Variants in CCDC81 observed in about 807,000 individuals in gnomAD.
The protein encoded by CCDC81 is coiled-coil domain containing 81, also known as coiled-coil domain-containing protein 81.
Under a neutral mutation model 83.7 loss-of-function variants are expected in CCDC81, and 79 were observed. The ratio of observed to expected loss-of-function variants is 0.94; its 90% CI spans 0.79 to 1.14. The LOEUF (loss-of-function observed/expected upper bound fraction) is 1.14, where lower values mean the gene tolerates loss of function less well. Among genes scored for constraint, CCDC81 ranks in the 50% most tolerant of loss-of-function variants. CCDC81 has a pLI of 0.00. For synonymous variants in CCDC81, 252 were observed against 278.1 expected (o/e 0.91, Z 0.93); for missense variants, 791 against 778.1 (o/e 1.02, Z -0.20).
chr11:86,403,760 T>C (rs1163209726), intron 7 of CCDC81, among the ~76,000 whole-genome samples: 1 of 152,234 alleles, frequency 6.6e-6, no homozygotes, highest in Non-Finnish European at 1.5e-5. Context: ...TATTGGGATT[T>C]GAGTAACATT....
At chr11:86,385,986 A>C in intron 1 of CCDC81, 65 bp from the exon 2 acceptor site, 1 of 757,186 alleles carries the variant, frequency 1.3e-6, no homozygotes, top group Non-Finnish European at 2.3e-6. Flanking sequence ...ATTTATTAGC[A>C]CTAAGATACT....
chr11:86,399,751 C>T (rs1293093843), intron 6 of CCDC81, among the ~76,000 whole-genome samples: 1 of 152,008 alleles, frequency 6.6e-6, no homozygotes, highest in South Asian at 2.1e-4. Context: ...ACCCTTTTCA[C>T]ATCTCACTTT....
At chr11:86,411,086 A>G (rs1325637551) in intron 10 of CCDC81, among the ~76,000 whole-genome samples, 1 of 152,212 alleles carries the variant, frequency 6.6e-6, no homozygotes, top group Non-Finnish European at 1.5e-5. Context: ...TCTCCCATTT[A>G]AAACCTCCAC....
chr11:86,387,447 A>G, intron 2 of CCDC81, 69 bp from the exon 3 acceptor site: 6 of 1,477,886 alleles, frequency 4.1e-6, no homozygotes, highest in Non-Finnish European at 5.6e-6. Flanking sequence ...TTTTTAGATA[A>G]TAATATTAAG....
In CCDC81 at chr11:86,392,603, G is replaced by T. The variant is rs1948348701; in HGVS notation, c.361G>T (p.Asp121Tyr). The T allele has an allele frequency of 6.4e-7, 1 of 1,551,558 alleles. No individual in the cohort carries two copies. The highest frequency in any genetic ancestry group is 2.0e-5 in the Admixed American group (1 of 50,988). ...ATCCCTGGAGGGTCCATTTAACAGA[G>T]ATGTAGTGGAAGGATGTGTGAAGGA... ...MISLEGPFNR[D>Y]VVEGCVKETL... The change falls in exon 4 of 15, where the codon GAT (aspartate) becomes TAT (tyrosine). Residue 121 changes from aspartate to tyrosine, a missense_variant. Transcript: ENST00000445632.
Position 86,404,239 on chromosome 11 carries a change from AT to A in CCDC81, c.882-3374del, listed in dbSNP as rs1948533928. ...GAGGCCTAAGAGAAGTTATTAAAAA[AT>A]AAAGTGTTCTGCTTATAGCAATATG... On this transcript the variant is annotated intron_variant, in intron 7 of 14. Coordinates refer to ENST00000445632, the MANE Select transcript of CCDC81 (RefSeq NM_001156474.2). Among the ~76,000 whole-genome samples, 10 of 152,316 alleles carry A rather than the reference AT, an allele frequency of 6.6e-5. No homozygotes were observed. In the South Asian group the frequency reaches 2.1e-3, roughly 32 times the overall value.
At chr11:86,416,028 C>G (rs371803312) in intron 13 of CCDC81, among the ~76,000 whole-genome samples, 10 of 152,100 alleles carry the variant, frequency 6.6e-5, no homozygotes, top group East Asian at 3.9e-4. Flanking sequence ...GTGTCTCATG[C>G]TTTAATTTGG....
chr11:86,397,462 C>T (rs1362981725), intron 5 of CCDC81, among the ~76,000 whole-genome samples, 159 bp from the exon 6 acceptor site: 4 of 152,200 alleles, frequency 2.6e-5, no homozygotes, highest in African/African-American at 9.6e-5. Context: ...GAAAATTAAT[C>T]TATGATATGT....
Position 86,422,801 on chromosome 11 carries a change from C to G in CCDC81, c.*86C>G, listed in dbSNP as rs889774788. ...TGATTGTGAAACTGCGTATTTTTAC[C>G]TCAGAGAAAAAAATCATTGTTTAGG... On this transcript the variant is annotated 3_prime_UTR_variant, in exon 15 of 15. Coordinates refer to ENST00000445632, the MANE Select transcript of CCDC81 (RefSeq NM_001156474.2). 82 of 1,326,332 alleles carry G rather than the reference C, an allele frequency of 6.2e-5. No homozygotes were observed. Among genetic ancestry groups the G allele is most frequent in the Non-Finnish European group, 8.2e-5 (79 of 961,730 alleles). 82.2% of individuals were successfully genotyped at this position (1,326,332 alleles called of 1,614,324 possible).
At chr11:86,413,535 G>A (rs1948674410) in intron 11 of CCDC81, among the ~76,000 whole-genome samples, 1 of 152,014 alleles carries the variant, frequency 6.6e-6, no homozygotes, top group African/African-American at 2.4e-5. Flanking sequence ...CTTCCCTTCT[G>A]TATCAGTACC....
At position 86,386,037 on chromosome 11, in the gene CCDC81, C is replaced by A; in HGVS notation, c.80-14C>A. The A allele has an allele frequency of 6.8e-7, 1 of 1,469,566 alleles. No homozygotes were observed. The highest frequency in any genetic ancestry group is 1.4e-5 in the African/African-American group (1 of 70,580). The allele number at this position is 1,469,566 out of a possible 1,614,324, so 91.0% of individuals were successfully genotyped here. A position where few individuals can be genotyped will look rare whatever the true frequency, so the allele number is the denominator to read the frequency against. ...ATATAAATTGAATAATTTCTGGTTACTTTTGAATTTCAGAAGTCTCTATTA... is the reference window on the plus strand; with the variant it reads ...ATATAAATTGAATAATTTCTGGTTAATTTTGAATTTCAGAAGTCTCTATTA... On this transcript the variant is annotated splice_polypyrimidine_tract_variant and intron_variant, in intron 1 of 14. Coordinates refer to ENST00000445632, the MANE Select transcript of CCDC81 (RefSeq NM_001156474.2).
At chr11:86,388,478 A>G (rs1948279282) in intron 3 of CCDC81, among the ~76,000 whole-genome samples, 2 of 152,276 alleles carry the variant, frequency 1.3e-5, no homozygotes, top group South Asian at 4.1e-4. Flanking sequence ...TCACTCCTGG[A>G]TAAATGGAGA....
Position 86,422,793 on chromosome 11 carries a change from AT to A in CCDC81, c.*83del, listed in dbSNP as rs1161678583. Reference sequence around the variant, plus strand: ...TTTGGGGGTGATTGTGAAACTGCGTATTTTTACCTCAGAGAAAAAAATCATT... The same window carrying A: ...TTTGGGGGTGATTGTGAAACTGCGTATTTTACCTCAGAGAAAAAAATCATT... On this transcript the variant is annotated 3_prime_UTR_variant, in exon 15 of 15. Transcript: ENST00000445632. 25 of 1,380,602 alleles carry A rather than the reference AT, an allele frequency of 1.8e-5. No homozygotes were observed. Among genetic ancestry groups the A allele is most frequent in the African/African-American group, 1.7e-4 (12 of 69,050 alleles). 85.5% of individuals were successfully genotyped at this position (1,380,602 alleles called of 1,614,324 possible).
At chr11:86,395,633 C>A (rs1293146777) in intron 5 of CCDC81, among the ~76,000 whole-genome samples, 1 of 152,140 alleles carries the variant, frequency 6.6e-6, no homozygotes. Context: ...TTTATCCCCC[C>A]TCACCGCGAC....
At chr11:86,404,992 A>G (rs1414869238) in intron 7 of CCDC81, among the ~76,000 whole-genome samples, 1 of 152,190 alleles carries the variant, frequency 6.6e-6, no homozygotes, top group African/African-American at 2.4e-5. Context: ...TGTTTTATGT[A>G]TACTTGAAGA....
At chr11:86,407,297 T>C (rs1327791363) in intron 7 of CCDC81, among the ~76,000 whole-genome samples, 1 of 152,218 alleles carries the variant, frequency 6.6e-6, no homozygotes, top group African/African-American at 2.4e-5. Context: ...ACAGTGTACA[T>C]GGTAAGCACT....
At position 86,380,043 on chromosome 11, in the gene CCDC81, T is replaced by C. The variant is rs1297085463; in HGVS notation, c.79+4801T>C. 1.6e-3 allele frequency among the ~76,000 whole-genome samples: 65 copies of C among 39,670 alleles called. No individual in the cohort carries two copies. In the African/African-American group the frequency reaches 0.024, roughly 14 times the overall value. The allele number at this position is 39,670 out of a possible 152,430, so 26.0% of individuals were successfully genotyped here. A position where few individuals can be genotyped will look rare whatever the true frequency, so the allele number is the denominator to read the frequency against. ...TTATTCCTTCTTCGATGGTCTTCCC[T>C]TTTTTTTTTTTTTTAAATGCAGATC... On this transcript the variant is annotated intron_variant, in intron 1 of 14. Coordinates refer to ENST00000445632, the MANE Select transcript of CCDC81 (RefSeq NM_001156474.2).
chr11:86,397,885 T>C, intron 6 of CCDC81, 143 bp downstream of exon 6: 1 of 947,870 alleles, frequency 1.1e-6, no homozygotes, highest in Non-Finnish European at 1.4e-6. Context: ...GGAGTCTCGC[T>C]GTTGCCCAGG....
At position 86,415,126 on chromosome 11, in the gene CCDC81, G is replaced by A; in HGVS notation, c.1504G>A (p.Glu502Lys). 6.2e-7 allele frequency: 1 copy of A among 1,614,144 alleles called. No homozygotes were observed. The highest frequency in any genetic ancestry group is 1.1e-5 in the South Asian group (1 of 91,078). Residue 502 changes from glutamate to lysine, a missense_variant, in exon 13 of 15, where the codon GAG becomes AAG. Transcript: ENST00000445632. ...CAAACCCTCTCGGCTGCCCCCCTTT[G>A]AGCCAGACTCCTCTGAGCCCATCTT... ...KNKPSRLPPFEPDSSEPIFGK... is the reference protein window; with the variant it reads ...KNKPSRLPPFKPDSSEPIFGK...
Sources: gnomAD v4.1 joint callset for allele counts (sites outside exome capture counted in the v4.1 genomes callset) on GRCh38, gnomAD v4.1.1 for gene constraint, MANE v1.5 for transcripts, NCBI Gene and HGNC (gene_info 2026-07-23, HGNC 2026-07-21) for gene names.